PTPN13: variants seen among roughly 807,000 people sequenced by gnomAD.
PTPN13 encodes tyrosine-protein phosphatase non-receptor type 13.
In PTPN13, 191 loss-of-function variants were observed where a neutral mutation model predicts 284.0. The ratio of observed to expected loss-of-function variants is 0.67; its 90% CI spans 0.60 to 0.76. PTPN13 has a LOEUF of 0.76. PTPN13 is among the 30% of genes least tolerant of loss of function. The pLI is 0.00. For synonymous variants in PTPN13, 986 were observed against 1,022.3 expected (o/e 0.96, Z 0.68); for missense variants, 2,797 against 2,939.9 (o/e 0.95, Z 1.12).
At chr4:86,666,606 A>C (rs1727106466) in intron 2 of PTPN13, among the ~76,000 whole-genome samples, 1 of 152,240 alleles carries the variant, frequency 6.6e-6, no homozygotes, top group African/African-American at 2.4e-5. Context: ...GGTTACAAAA[A>C]CATTTTCTTT....
chr4:86,687,827 A>G (rs965952398), intron 4 of PTPN13, among the ~76,000 whole-genome samples: 1 of 152,158 alleles, frequency 6.6e-6, no homozygotes, highest in East Asian at 1.9e-4. Flanking sequence ...TATCAAATAT[A>G]AATAGAGAGT....
intron 7 of PTPN13, among the ~76,000 whole-genome samples, chr4:86,703,365 A>G (rs778770419): frequency 2.0e-5 from 3 of 152,060 alleles, no homozygotes; most frequent in Non-Finnish European, 2.9e-5. Context: ...GTATATGAAC[A>G]TTAATTTAGT....
chr4:86,716,850 G>T (rs1403486049), intron 8 of PTPN13, among the ~76,000 whole-genome samples, 174 bp from the exon 9 acceptor site: 1 of 152,104 alleles, frequency 6.6e-6, no homozygotes, highest in African/African-American at 2.4e-5. Flanking sequence ...ATAATTCATT[G>T]TCTTTAAAAG....
chr4:86,791,581 T>C (rs1318057092), intron 40 of PTPN13, among the ~76,000 whole-genome samples: 1 of 152,198 alleles, frequency 6.6e-6, no homozygotes. Flanking sequence ...GTAGCCTGAC[T>C]GGGAGACATC....
rs1735317765 is a variant in PTPN13 at position 86,734,847 on chromosome 4, A to C, written c.2123A>C (p.Gln708Pro). Residue 708 changes from glutamine to proline, a missense_variant, in exon 14 of 48, where the codon CAG (glutamine) becomes CCG (proline). Transcript: ENST00000411767. ...TSLLLASLAL[Q>P]AEYGDYQPEV... ...TTATTGCTGGCATCCTTGGCTCTCC[A>C]GGCTGAGTATGGAGATTATCAACCA... The C allele has an allele frequency of 6.2e-7, 1 of 1,613,250 alleles. No homozygotes were observed. Among genetic ancestry groups the C allele is most frequent in the Non-Finnish European group, 8.5e-7 (1 of 1,179,450 alleles).
At chr4:86,713,898 C>T (rs1172497368) in intron 7 of PTPN13, among the ~76,000 whole-genome samples, 3 of 152,018 alleles carry the variant, frequency 2.0e-5, no homozygotes, top group Non-Finnish European at 2.9e-5. Context: ...TTAAGAATCT[C>T]TATTAAACAC....
chr4:86,759,143 G>A (rs1288254390), intron 23 of PTPN13, 70 bp downstream of exon 23: 10 of 1,476,152 alleles, frequency 6.8e-6, no homozygotes, highest in East Asian at 4.6e-5. Context: ...AGTGATATTC[G>A]CACAAAAATG....
intron 1 of PTPN13, among the ~76,000 whole-genome samples, chr4:86,625,538 T>A (rs1721736620): frequency 6.6e-6 from 1 of 152,106 alleles, no homozygotes; most frequent in African/African-American, 2.4e-5. Context: ...CTGCTAGATA[T>A]TTTTAGTTTG....
intron 1 of PTPN13, among the ~76,000 whole-genome samples, chr4:86,619,128 CA>C (rs1720930939): frequency 6.6e-6 from 1 of 152,172 alleles, no homozygotes; most frequent in East Asian, 1.9e-4. Context: ...AGCTCCCAGT[CA>C]GCCACGCGAT....
chr4:86,698,995 G>A (rs1406453386), intron 6 of PTPN13, among the ~76,000 whole-genome samples: 3 of 152,110 alleles, frequency 2.0e-5, no homozygotes, highest in Non-Finnish European at 4.4e-5. Context: ...AAGAAGTAAA[G>A]TCTTTGATAA....
rs1727827075 is a variant in PTPN13 at position 86,672,534 on chromosome 4, T to C, written c.285T>C (p.Asp95=). 2.5e-6 allele frequency: 4 copies of C among 1,602,644 alleles called. No homozygotes were observed. The East Asian group carries it at 9.0e-5, about 36-fold the overall frequency. The change falls in exon 3 of 48, where the codon GAT becomes GAC. Residue 95 remains aspartate, a synonymous_variant. Transcript: ENST00000411767. ...ATCAGTCACTAACTTCTCTCTCAGA[T>C]GTTGAAAAGGTAACTGTTAAATTTT... ...LQNQSLTSLS[D]VEKIHIYSLG...
intron 7 of PTPN13, among the ~76,000 whole-genome samples, chr4:86,704,937 G>A (rs189224428): frequency 7.2e-5 from 11 of 152,236 alleles, no homozygotes; most frequent in Non-Finnish European, 1.5e-4. Context: ...TTAATCAAAA[G>A]GAATGTTAGA....
At chr4:86,722,519 G>T (rs1733788113) in intron 10 of PTPN13, 85 bp downstream of exon 10, 1 of 1,107,102 alleles carries the variant, frequency 9.0e-7, no homozygotes, top group Non-Finnish European at 1.4e-6. Flanking sequence ...ATTGCTACAG[G>T]TATCCATCTA....
At chr4:86,633,896 T>G (rs1722732647) in intron 1 of PTPN13, among the ~76,000 whole-genome samples, 2 of 152,234 alleles carry the variant, frequency 1.3e-5, no homozygotes, top group African/African-American at 4.8e-5. Flanking sequence ...TCGCACTTCT[T>G]GTACAACCTA....
At chr4:86,706,978 C>A (rs1033678905) in intron 7 of PTPN13, among the ~76,000 whole-genome samples, 1 of 152,122 alleles carries the variant, frequency 6.6e-6, no homozygotes, top group Non-Finnish European at 1.5e-5. Flanking sequence ...ATCCCAAGAT[C>A]TGAGTAGTTG....
chr4:86,728,568 A>G (rs1734553539), intron 10 of PTPN13, among the ~76,000 whole-genome samples: 1 of 140,996 alleles, frequency 7.1e-6, no homozygotes, highest in African/African-American at 2.6e-5. Flanking sequence ...CCATTATGTA[A>G]TGGCCTTCTT....
chr4:86,681,717 C>T (rs2148929168), intron 3 of PTPN13, among the ~76,000 whole-genome samples: 1 of 152,264 alleles, frequency 6.6e-6, no homozygotes, highest in African/African-American at 2.4e-5. Context: ...CACCTGAGGT[C>T]AGGAGTTCAA....
In PTPN13 at chr4:86,762,858, T is replaced by A. The variant is rs1738857913; in HGVS notation, c.3685T>A (p.Ser1229Thr). The A allele has an allele frequency of 6.2e-7, 1 of 1,613,778 alleles. No homozygotes were observed. The highest frequency in any genetic ancestry group is 8.5e-7 in the Non-Finnish European group (1 of 1,179,852). ...GTCACGTGGTACCCTGAGGCACATC[T>A]CGGAGAACTCCTTTGGGCCATCTGG... ...HWSRGTLRHISENSFGPSGGL... is the reference protein window; with the variant it reads ...HWSRGTLRHITENSFGPSGGL... Residue 1229 changes from serine to threonine, a missense_variant, in exon 24 of 48, where the codon TCG becomes ACG. Transcript: ENST00000411767.
chr4:86,658,259 A>C (rs1388882563), intron 2 of PTPN13, among the ~76,000 whole-genome samples: 1 of 152,028 alleles, frequency 6.6e-6, no homozygotes, highest in Admixed American at 6.6e-5. Context: ...AAAGTCCCCC[A>C]CTAACTTCAC....
Sources: allele counts gnomAD v4.1 joint callset (sites outside exome capture counted in the v4.1 genomes callset), GRCh38; gene constraint gnomAD v4.1.1; transcripts MANE v1.5; gene names NCBI Gene and HGNC (gene_info 2026-07-23, HGNC 2026-07-21).